Variants in RFFL observed in about 807,000 individuals in gnomAD.
RFFL encodes E3 ubiquitin-protein ligase rififylin.
In RFFL, 16 loss-of-function variants were observed where a neutral mutation model predicts 40.4. That is an observed-to-expected ratio of 0.40 (90% confidence interval 0.27 to 0.60). RFFL has a LOEUF of 0.60. Among genes scored for constraint, RFFL ranks in the 20% least tolerant of loss-of-function variants. The pLI, the probability that RFFL is intolerant of heterozygous loss-of-function variation, is 0.47. For synonymous variants in RFFL, 154 were observed against 167.9 expected, an observed-to-expected ratio of 0.92 and a Z score of 0.64; for missense variants, 367 against 451.7, an observed-to-expected ratio of 0.81 and a Z score of 1.70.
intron 1 of RFFL, among the ~76,000 whole-genome samples, chr17:35,055,236 T>C (rs555899095): frequency 4.3e-4 from 65 of 152,150 alleles, no homozygotes; most frequent in Middle Eastern, 3.4e-3. Flanking sequence ...CCAATGATCT[T>C]CTGATGGATA....
At chr17:35,036,753 A>T (rs2091125937) in intron 1 of RFFL, among the ~76,000 whole-genome samples, 1 of 152,228 alleles carries the variant, frequency 6.6e-6, no homozygotes, top group African/African-American at 2.4e-5. Context: ...TGGTACAGTC[A>T]TAGTTAGAGG....
upstream of RFFL, among the ~76,000 whole-genome samples, chr17:35,068,070 G>C (rs1481630522): frequency 6.6e-6 from 1 of 152,122 alleles, no homozygotes; most frequent in East Asian, 1.9e-4. Context: ...TTCACACCTG[G>C]ATATGATACA....
chr17:35,076,351 G>T (rs1447271803), intron 1 of RFFL, among the ~76,000 whole-genome samples: 2 of 152,048 alleles, frequency 1.3e-5, no homozygotes, highest in East Asian at 1.9e-4. Context: ...TGCCTATAGG[G>T]TAGCCCTGCT....
intron 1 of RFFL, among the ~76,000 whole-genome samples, chr17:35,047,593 T>G (rs912001172): frequency 2.6e-5 from 4 of 152,088 alleles, no homozygotes; most frequent in Admixed American, 2.6e-4. Flanking sequence ...AACTTTTTTA[T>G]TTTACTTAGT....
rs1007296069 is a variant in RFFL at position 35,011,153 on chromosome 17, C to A, written c.*815G>T. The stretch of plus-strand genomic sequence containing the variant: ...GCCTCCACCCATTGCTTCCCCTTTC[C>A]GCATAAACTAAGGATGGTGCAAATC... On this transcript the variant is annotated 3_prime_UTR_variant, in exon 7 of 7. Transcript: ENST00000394597. 6.6e-6 allele frequency: 1 copy of A among 152,188 alleles called. No homozygotes were observed. The highest frequency in any genetic ancestry group is 1.5e-5 in the Non-Finnish European group (1 of 68,048). 9.4% of individuals were successfully genotyped at this position (152,188 alleles called of 1,614,324 possible).
At position 35,026,499 on chromosome 17, in the gene RFFL, G is replaced by C. The variant is rs1188168434; in HGVS notation, c.55C>G (p.Pro19Ala). ...TGCATCCTGGCTCCCTGGGGTGGTGGGACCTCCTCAGGCTGTCCATCCAGG... is the reference window on the plus strand; with the variant it reads ...TGCATCCTGGCTCCCTGGGGTGGTGCGACCTCCTCAGGCTGTCCATCCAGG... Reference protein sequence around the residue: ...FCLDGQPEEVPPPQGARMQAY... With the variant: ...FCLDGQPEEVAPPQGARMQAY... Residue 19 changes from proline to alanine, a missense_variant, in exon 2 of 7, where the codon CCA becomes GCA. Physicochemically the swap from Pro to Ala is conservative, Grantham distance 27 (BLOSUM62 -1). Coordinates refer to ENST00000394597, the MANE Select transcript of RFFL (RefSeq NM_001017368.2). 1 of 1,611,986 alleles carries C rather than the reference G, an allele frequency of 6.2e-7. No homozygotes were observed. The highest frequency in any genetic ancestry group is 1.3e-5 in the African/African-American group (1 of 74,790).
intron 5 of RFFL, among the ~76,000 whole-genome samples, chr17:35,015,882 T>A (rs1366797248): frequency 5.3e-5 from 8 of 152,234 alleles, no homozygotes; most frequent in African/African-American, 1.9e-4. Context: ...ATCTCCTGAA[T>A]GATACAGTGT....
Position 35,017,533 on chromosome 17 carries a change from TC to T in RFFL, c.664del (p.Asp222MetfsTer23). On this transcript the variant is annotated frameshift_variant, in exon 4 of 7. Transcript: ENST00000394597. LOFTEE classifies it high-confidence loss of function. Reference sequence around the variant, plus strand: ...AAGCAGAGGCCCCACCTGGGTCTCATCCTCAGCAGGTACTCTGGCCACGCTC... The same window carrying T: ...AAGCAGAGGCCCCACCTGGGTCTCATCTCAGCAGGTACTCTGGCCACGCTC... Reference protein sequence around the residue: ...LESVARVPAEDETQSIDSEDS... With the variant: ...LESVARVPAEXETQSIDSEDS... The T allele has an allele frequency of 6.2e-7, 1 of 1,609,508 alleles. No individual in the cohort carries two copies. Among genetic ancestry groups the T allele is most frequent in the Non-Finnish European group, 8.5e-7 (1 of 1,177,502 alleles).
chr17:35,042,996 CAG>C (rs2091176362), intron 1 of RFFL, among the ~76,000 whole-genome samples: 1 of 152,084 alleles, frequency 6.6e-6, no homozygotes, highest in South Asian at 2.1e-4. Flanking sequence ...GGCCAGAACT[CAG>C]GGGAGGAAAA....
chr17:35,055,069 C>A (rs1161518767), intron 1 of RFFL, among the ~76,000 whole-genome samples: 3 of 152,000 alleles, frequency 2.0e-5, no homozygotes, highest in Non-Finnish European at 2.9e-5. Context: ...GGGTGCCCAC[C>A]AGCACGCCTG....
At chr17:35,082,732 A>C (rs2091408689) in intron 1 of RFFL, among the ~76,000 whole-genome samples, 1 of 152,198 alleles carries the variant, frequency 6.6e-6, no homozygotes, top group East Asian at 1.9e-4. Flanking sequence ...ATATACAAAA[A>C]ACATATTTTT....
chr17:35,080,616 T>C (rs2091399084), intron 1 of RFFL, among the ~76,000 whole-genome samples: 1 of 152,194 alleles, frequency 6.6e-6, no homozygotes, highest in African/African-American at 2.4e-5. Flanking sequence ...AAATAAACAA[T>C]GGTGTTGATC....
At chr17:35,037,457 G>A (rs2091131058) in intron 1 of RFFL, among the ~76,000 whole-genome samples, 1 of 152,184 alleles carries the variant, frequency 6.6e-6, no homozygotes, top group Non-Finnish European at 1.5e-5. Flanking sequence ...CAGGGCTTAG[G>A]CTAAGCCTCT....
intron 1 of RFFL, among the ~76,000 whole-genome samples, chr17:35,077,824 A>G (rs999555696): frequency 6.6e-6 from 1 of 152,188 alleles, no homozygotes; most frequent in African/African-American, 2.4e-5. Flanking sequence ...TCTTCTTCCA[A>G]TGTGGCCCAG....
upstream of RFFL, among the ~76,000 whole-genome samples, chr17:35,067,261 G>A (rs1270884287): frequency 6.6e-6 from 1 of 151,594 alleles, no homozygotes; most frequent in African/African-American, 2.4e-5. Flanking sequence ...AGGATTATAG[G>A]CGTATGCCAC....
At chr17:35,038,143 G>C (rs557754173) in intron 1 of RFFL, among the ~76,000 whole-genome samples, 96 of 152,158 alleles carry the variant, frequency 6.3e-4, no homozygotes, top group African/African-American at 2.2e-3. Flanking sequence ...CAAAAAATTA[G>C]CCAGGCGTGG....
chr17:35,069,881 A>C (rs1229226995), intron 1 of RFFL, among the ~76,000 whole-genome samples: 1 of 152,164 alleles, frequency 6.6e-6, no homozygotes, highest in Non-Finnish European at 1.5e-5. Context: ...GGAGAAAGGA[A>C]CCCAAAGCTC....
At chr17:35,041,008 C>T (rs2091162110) in intron 1 of RFFL, among the ~76,000 whole-genome samples, 1 of 151,622 alleles carries the variant, frequency 6.6e-6, no homozygotes, top group Non-Finnish European at 1.5e-5. Flanking sequence ...GCTCCCAAAG[C>T]TCTGGGATTA....
chr17:35,024,311 G>T (rs559392842), intron 2 of RFFL, among the ~76,000 whole-genome samples: 26 of 152,238 alleles, frequency 1.7e-4, no homozygotes, highest in African/African-American at 6.0e-4. Context: ...GGATGCTCCA[G>T]AAAAGGTAAC....
Sources: allele counts gnomAD v4.1 joint callset (sites outside exome capture counted in the v4.1 genomes callset), GRCh38; gene constraint gnomAD v4.1.1; transcripts MANE v1.5; gene names NCBI Gene and HGNC (gene_info 2026-07-23, HGNC 2026-07-21).